The following PAX5 variants were observed in gnomAD, a reference collection of about 807,000 sequenced individuals.
PAX5 encodes the protein paired box 5.
In PAX5, 9 loss-of-function variants were observed where a neutral mutation model predicts 43.7. The ratio of observed to expected loss-of-function variants is 0.21; its 90% CI spans 0.12 to 0.36. The LOEUF (loss-of-function observed/expected upper bound fraction) is 0.36. Among genes scored for constraint, PAX5 ranks in the 10% least tolerant of loss-of-function variants. PAX5 has a pLI of 1.00. For synonymous variants in PAX5, 228 were observed against 214.3 expected (o/e 1.06, Z -0.56); for missense variants, 383 against 532.7 (o/e 0.72, Z 2.77).
chr9:36,858,854 T>G (rs1446204734), intron 8 of PAX5, among the ~76,000 whole-genome samples: 2 of 152,162 alleles, frequency 1.3e-5, no homozygotes, highest in Non-Finnish European at 2.9e-5. Context: ...CTGGCTCTGC[T>G]GGGCTCAGCG....
intron 3 of PAX5, chr9:37,007,639 G>A (rs912575213): frequency 6.6e-6 from 1 of 152,172 alleles, no homozygotes; most frequent in East Asian, 1.9e-4. Context: ...CTTTGGAAAA[G>A]TTATATTCCA....
chr9:36,995,966 C>A (rs1213795999), intron 5 of PAX5, among the ~76,000 whole-genome samples: 1 of 152,222 alleles, frequency 6.6e-6, no homozygotes, highest in Non-Finnish European at 1.5e-5. Flanking sequence ...TTCCTAAAGG[C>A]AAAGGAGGAG....
chr9:36,922,990 T>C (rs1480989850), intron 7 of PAX5: 1 of 212,832 alleles, frequency 4.7e-6, no homozygotes, highest in African/African-American at 2.3e-5. Context: ...CCATTCCTCC[T>C]TGAGGTTGGT....
chr9:36,928,902 C>G (rs568808030), intron 6 of PAX5, among the ~76,000 whole-genome samples: 1 of 152,178 alleles, frequency 6.6e-6, no homozygotes, highest in Non-Finnish European at 1.5e-5. Context: ...CAATTCAACA[C>G]CAGTAAAGTG....
intron 8 of PAX5, among the ~76,000 whole-genome samples, chr9:36,872,347 G>T (rs1002974775): frequency 6.6e-6 from 1 of 152,210 alleles, no homozygotes; most frequent in African/African-American, 2.4e-5. Context: ...GGCTTAGGGA[G>T]CCCTCCAGTT....
chr9:36,995,100 G>A (rs575765288), intron 5 of PAX5, among the ~76,000 whole-genome samples: 33 of 152,338 alleles, frequency 2.2e-4, no homozygotes, highest in African/African-American at 7.9e-4. Context: ...AGCCCCAGCA[G>A]AGGCCAAGAC....
At position 36,838,342 on chromosome 9, in the gene PAX5, A is replaced by G. The variant is rs1312474901; in HGVS notation, c.*2218T>C. 4 of 231,906 alleles carry G rather than the reference A, an allele frequency of 1.7e-5. No homozygotes were observed. In the East Asian group the frequency reaches 1.8e-4, roughly 11 times the overall value. The allele number at this position is 231,906 out of a possible 1,614,324, so 14.4% of individuals were successfully genotyped here. A position where few individuals can be genotyped will look rare whatever the true frequency, so the allele number is the denominator to read the frequency against. On this transcript the variant is annotated 3_prime_UTR_variant, in exon 10 of 10. Transcript: ENST00000358127. Reference sequence around the variant, plus strand: ...CTCTTACTGTCAACTCTCCTCAGGAATAGGAGATGTGGATAGACCAGGGTG... The same window carrying G: ...CTCTTACTGTCAACTCTCCTCAGGAGTAGGAGATGTGGATAGACCAGGGTG...
Position 36,980,584 on chromosome 9 carries a change from A to C in PAX5, c.605-13860T>G, listed in dbSNP as rs566339832. Among the ~76,000 whole-genome samples, 9 of 152,164 alleles carry C rather than the reference A, an allele frequency of 5.9e-5. No homozygotes were observed. In the South Asian group the frequency reaches 1.9e-3, roughly 32 times the overall value. ...CAGTCCCTTGTCTGATGATATCAATACATTCACAATTCCAGACACAGAAGG... is the reference window on the plus strand; with the variant it reads ...CAGTCCCTTGTCTGATGATATCAATCCATTCACAATTCCAGACACAGAAGG... On this transcript the variant is annotated intron_variant, in intron 5 of 9. Transcript: ENST00000358127.
At position 36,966,544 on chromosome 9, in the gene PAX5, C is replaced by A. The variant is rs374672103; in HGVS notation, c.780+5G>T. The A allele has an allele frequency of 6.8e-6, 11 of 1,611,610 alleles. No homozygotes were observed. The highest frequency in any genetic ancestry group is 9.3e-6 in the Non-Finnish European group (11 of 1,178,240). On this transcript the variant is annotated splice_donor_5th_base_variant and intron_variant, in intron 6 of 9. Coordinates refer to ENST00000358127, the MANE Select transcript of PAX5 (RefSeq NM_016734.3). Reference sequence around the variant, plus strand: ...GGTGTGGTGGGCGTGCATCACGAGGCGTACCTGCTCGGGCTTGATGGGCTC... The same window carrying A: ...GGTGTGGTGGGCGTGCATCACGAGGAGTACCTGCTCGGGCTTGATGGGCTC...
chr9:36,995,665 G>A (rs1280124900), intron 5 of PAX5, among the ~76,000 whole-genome samples: 1 of 152,204 alleles, frequency 6.6e-6, no homozygotes, highest in East Asian at 1.9e-4. Context: ...GGGTTTTGCT[G>A]TGTGATCTGG....
At chr9:36,980,702 C>T (rs374683222) in intron 5 of PAX5, among the ~76,000 whole-genome samples, 1 of 152,104 alleles carries the variant, frequency 6.6e-6, no homozygotes, top group East Asian at 1.9e-4. Context: ...CGAGTGGGAG[C>T]CCTCAGCCAG....
At chr9:36,940,208 T>G (rs1588033027) in intron 6 of PAX5, among the ~76,000 whole-genome samples, 1 of 152,212 alleles carries the variant, frequency 6.6e-6, no homozygotes, top group Non-Finnish European at 1.5e-5. Context: ...GAGTAAGTAC[T>G]GTTGGGACTC....
chr9:36,908,441 T>G (rs1828996696), intron 7 of PAX5, among the ~76,000 whole-genome samples: 1 of 152,170 alleles, frequency 6.6e-6, no homozygotes, highest in Admixed American at 6.5e-5. Flanking sequence ...TGCATACATG[T>G]ATCCATGTTT....
rs529625764 is a variant in PAX5 at position 36,986,212 on chromosome 9, C to T, written c.604+16436G>A. 2.2e-3 allele frequency among the ~76,000 whole-genome samples: 330 copies of T among 151,590 alleles called. 2 individuals carry two copies. Among genetic ancestry groups the T allele is most frequent in the Non-Finnish European group, 3.7e-3 (251 of 67,806 alleles). ...TTAGCATAACAAACTCAATTGTTCT[C>T]AGCGGGGCCCCGGCAAATAAAGTCA... is the stretch of plus-strand genomic sequence containing the variant. On this transcript the variant is annotated intron_variant, in intron 5 of 9. Transcript: ENST00000358127.
intron 6 of PAX5, among the ~76,000 whole-genome samples, chr9:36,938,414 T>C (rs1430916848): frequency 6.6e-6 from 1 of 152,224 alleles, no homozygotes; most frequent in Non-Finnish European, 1.5e-5. Context: ...TATATTAATT[T>C]AGACTCCTGA....
chr9:37,026,755 G>C (rs1326608859), intron 1 of PAX5: 1 of 981,458 alleles, frequency 1.0e-6, no homozygotes, highest in South Asian at 4.7e-5. Context: ...CCGGAGCTGC[G>C]CGGAGAGGCG....
rs1821581308 is a variant in PAX5 at position 36,835,521 on chromosome 9, A to G, written c.*5039T>C. ...TCAGCACTGTGGTTCCCCCATGAAT[A>G]TGCAAGAGGGAACCCTGAGGTTTGG... On this transcript the variant is annotated 3_prime_UTR_variant, in exon 10 of 10. Coordinates refer to ENST00000358127, the MANE Select transcript of PAX5 (RefSeq NM_016734.3). The G allele has an allele frequency of 8.6e-6, 2 of 232,712 alleles. No homozygotes were observed. The highest frequency in any genetic ancestry group is 1.7e-5 in the Non-Finnish European group (2 of 117,762). The allele number at this position is 232,712 out of a possible 1,614,324, so 14.4% of individuals were successfully genotyped here. A position where few individuals can be genotyped will look rare whatever the true frequency, so the allele number is the denominator to read the frequency against.
chr9:37,002,637 G>A lies in PAX5; in HGVS notation c.604+11C>T, dbSNP rs547716599. On this transcript the variant is annotated intron_variant, in intron 5 of 9. Coordinates refer to ENST00000358127, the MANE Select transcript of PAX5 (RefSeq NM_016734.3). ...GCGCATCCCCGACGGGGCTGCGCGGGCCTCTCTTACCTTCGTCTCTCTTGC... is the reference window on the plus strand; with the variant it reads ...GCGCATCCCCGACGGGGCTGCGCGGACCTCTCTTACCTTCGTCTCTCTTGC... 4.7e-5 allele frequency: 75 copies of A among 1,608,154 alleles called. No homozygotes were observed. Among genetic ancestry groups the A allele is most frequent in the Non-Finnish European group, 6.2e-5 (73 of 1,176,764 alleles).
At position 36,984,435 on chromosome 9, in the gene PAX5, C is replaced by CTTTTTTTTTTTTTTTT. The variant is rs10663927; in HGVS notation, c.605-17727_605-17712dup. Among the ~76,000 whole-genome samples, 4 of 66,874 alleles carry CTTTTTTTTTTTTTTTT rather than the reference C, an allele frequency of 6.0e-5. 2 individuals are homozygous for CTTTTTTTTTTTTTTTT. The highest frequency in any genetic ancestry group is 2.6e-4 in the African/African-American group (4 of 15,100). The allele number at this position is 66,874 out of a possible 152,430, so 43.9% of individuals were successfully genotyped here. Reference sequence around the variant, plus strand: ...GCCCTGGATTGGTTATTGAACCTCTCTTTTTTTTTTTTTTTTTTTTTTGAG... The same window carrying CTTTTTTTTTTTTTTTT: ...GCCCTGGATTGGTTATTGAACCTCTCTTTTTTTTTTTTTTTTTTTTTTTTTTTTTTTTTTTTTTGAG... On this transcript the variant is annotated intron_variant, in intron 5 of 9. Transcript: ENST00000358127.
Sources: allele counts gnomAD v4.1 joint callset (sites outside exome capture counted in the v4.1 genomes callset), GRCh38; gene constraint gnomAD v4.1.1; transcripts MANE v1.5; gene names NCBI Gene and HGNC (gene_info 2026-07-23, HGNC 2026-07-21).